The following CFAP47 variants were observed in gnomAD, a reference collection of about 807,000 sequenced individuals.
CFAP47 encodes cilia- and flagella-associated protein 47.
A neutral mutation model predicts 148.1 loss-of-function variants in CFAP47; 29 were observed. The observed-to-expected ratio is 0.20, with a 90% CI of 0.15 to 0.27. The LOEUF is 0.27. Ranked by LOEUF, CFAP47 falls within the 10% of genes least tolerant of loss-of-function variation. The pLI is 1.00. For synonymous variants in CFAP47, 664 were observed against 577.3 expected (o/e 1.15, Z -2.15); for missense variants, 1,872 against 1,697.5 (o/e 1.10, Z -1.81).
intron 32 of CFAP47, among the ~76,000 whole-genome samples, chrX:36,100,725 GA>G (rs1224067479): frequency 8.9e-6 from 1 of 111,761 alleles, no homozygotes; most frequent in African/African-American, 3.3e-5. Context: ...ATTAAGAGCT[GA>G]ATAGTGAGTA....
At chrX:35,994,878 T>C (rs1051774798) in intron 18 of CFAP47, among the ~76,000 whole-genome samples, 17 of 111,604 alleles carry the variant, frequency 1.5e-4, no homozygotes, top group African/African-American at 5.5e-4. Context: ...GATGCAATGA[T>C]GAACAAGATA....
intron 4 of CFAP47, among the ~76,000 whole-genome samples, chrX:35,950,056 A>C (rs898583834): frequency 8.9e-6 from 1 of 112,000 alleles, no homozygotes; most frequent in Non-Finnish European, 1.9e-5. Context: ...AGTTTAAAAA[A>C]GGTCCCAGTC....
chrX:36,191,134 T>A (rs1939861489), intron 42 of CFAP47, among the ~76,000 whole-genome samples: 1 of 111,721 alleles, frequency 9.0e-6, no homozygotes, highest in Non-Finnish European at 1.9e-5. Flanking sequence ...TGCTGAAACT[T>A]GTTTGTTAAA....
At chrX:36,289,976 G>T (rs919904565) in intron 51 of CFAP47, among the ~76,000 whole-genome samples, 2 of 110,540 alleles carry the variant, frequency 1.8e-5, no homozygotes, top group Non-Finnish European at 3.8e-5. Context: ...AAAAGGAAGG[G>T]TGCCTTTATT....
chrX:36,348,992 T>C (rs1431564925), intron 58 of CFAP47, among the ~76,000 whole-genome samples: 1 of 111,571 alleles, frequency 9.0e-6, no homozygotes, highest in Non-Finnish European at 1.9e-5. Context: ...CATTCTACCA[T>C]GCATTTTCAC....
In CFAP47 at chrX:36,022,974, G is replaced by A. The variant is rs1020579393; in HGVS notation, c.3556+8062G>A. Among the ~76,000 whole-genome samples the A allele has an allele frequency of 2.7e-5, 3 of 112,202 alleles. No homozygotes were observed. The South Asian group carries it at 1.1e-3, about 41-fold the overall frequency. On this transcript the variant is annotated intron_variant, in intron 22 of 63. Coordinates refer to ENST00000378653, the MANE Select transcript of CFAP47 (RefSeq NM_001304548.2). ...CCAGGATTGGTCCCTTGTGTCTTAT[G>A]TAGTTCATTTGATGAGGCCATGTTT...
At chrX:36,247,209 G>T (rs1300615221) in intron 48 of CFAP47, among the ~76,000 whole-genome samples, 1 of 111,205 alleles carries the variant, frequency 9.0e-6, no homozygotes, top group Non-Finnish European at 1.9e-5. Flanking sequence ...TCACTTACAG[G>T]TGGCAGCTAA....
chrX:36,222,828 A>T (rs1940227436), intron 45 of CFAP47, among the ~76,000 whole-genome samples: 1 of 111,377 alleles, frequency 9.0e-6, no homozygotes, highest in Non-Finnish European at 1.9e-5. Flanking sequence ...ATATAACCAA[A>T]ATGGGAAAAA....
At chrX:36,008,003 A>G (rs1936999254) in intron 21 of CFAP47, among the ~76,000 whole-genome samples, 1 of 111,575 alleles carries the variant, frequency 9.0e-6, no homozygotes. Flanking sequence ...TTTAAAATAG[A>G]GCCCTCAGTC....
intron 49 of CFAP47, among the ~76,000 whole-genome samples, chrX:36,266,217 C>T (rs1940889705): frequency 9.1e-6 from 1 of 109,906 alleles, no homozygotes; most frequent in African/African-American, 3.3e-5. Context: ...TTGGGAGCAC[C>T]ACAGGTGACA....
chrX:36,106,820 G>A (rs765311569), intron 33 of CFAP47, among the ~76,000 whole-genome samples: 1 of 111,817 alleles, frequency 8.9e-6, no homozygotes, highest in South Asian at 3.7e-4. Context: ...AGGGGTTAGC[G>A]GGGAAGGAGT....
At chrX:36,039,285 G>A in intron 25 of CFAP47, 106 bp downstream of exon 25, 1 of 374,489 alleles carries the variant, frequency 2.7e-6, no homozygotes, top group Non-Finnish European at 4.3e-6. Flanking sequence ...TAGTTGGAAA[G>A]AACTATTAAA....
intron 57 of CFAP47, among the ~76,000 whole-genome samples, chrX:36,322,328 A>T (rs1459263047): frequency 9.0e-6 from 1 of 110,508 alleles, no homozygotes; most frequent in Non-Finnish European, 1.9e-5. Flanking sequence ...ATTATAATAA[A>T]TTTTTATCAA....
intron 55 of CFAP47, among the ~76,000 whole-genome samples, chrX:36,309,769 C>G (rs1386060556): frequency 1.8e-5 from 2 of 111,185 alleles, no homozygotes; most frequent in Non-Finnish European, 3.8e-5. Flanking sequence ...TTTACTTAAA[C>G]CACTTTTTAA....
intron 6 of CFAP47, 63 bp downstream of exon 6, chrX:35,952,026 T>C (rs1601896008): frequency 9.4e-7 from 1 of 1,064,623 alleles, no homozygotes; most frequent in East Asian, 3.5e-5. Flanking sequence ...AACCACACTT[T>C]AATCAGATTC....
chrX:36,175,467 A>G (rs1344444211), intron 39 of CFAP47, among the ~76,000 whole-genome samples: 8 of 111,110 alleles, frequency 7.2e-5, no homozygotes, highest in South Asian at 3.8e-4. Context: ...TGATGTACAG[A>G]TTGGTTTTTG....
chrX:36,355,628 C>A (rs1042259768), intron 60 of CFAP47, among the ~76,000 whole-genome samples: 9 of 111,449 alleles, frequency 8.1e-5, no homozygotes, highest in Admixed American at 2.9e-4. Context: ...TACATGATAC[C>A]ACTTAATATG....
rs1487734716 is a variant in CFAP47, at chrX:35,919,741, G to A, written c.-59G>A. Reference sequence around the variant, plus strand: ...TGATGGTTGCCTAGCGACGGTCGTCGACGCTAATCCTTGGCCGGACGGATC... The same window carrying A: ...TGATGGTTGCCTAGCGACGGTCGTCAACGCTAATCCTTGGCCGGACGGATC... On this transcript the variant is annotated 5_prime_UTR_variant, in exon 1 of 64. Coordinates refer to ENST00000378653, the MANE Select transcript of CFAP47 (RefSeq NM_001304548.2). The A allele has an allele frequency of 2.6e-6, 3 of 1,139,295 alleles. No individual in the cohort carries two copies. The highest frequency in any genetic ancestry group is 3.5e-6 in the Non-Finnish European group (3 of 855,244). 93.9% of individuals were successfully genotyped at this position (1,139,295 alleles called of 1,213,427 possible). A position where few individuals can be genotyped will look rare whatever the true frequency, so the allele number is the denominator to read the frequency against.
chrX:36,142,172 G>A (rs1029259123), intron 35 of CFAP47, among the ~76,000 whole-genome samples: 3 of 111,547 alleles, frequency 2.7e-5, no homozygotes, highest in Admixed American at 9.6e-5. Flanking sequence ...TTATTTGAAA[G>A]TTAGTGATAC....
Sources: gnomAD v4.1 joint callset for allele counts (sites outside exome capture counted in the v4.1 genomes callset) on GRCh38, gnomAD v4.1.1 for gene constraint, MANE v1.5 for transcripts, NCBI Gene and HGNC (gene_info 2026-07-23, HGNC 2026-07-21) for gene names.